Variants in RYR2 observed in about 807,000 individuals in gnomAD.
RYR2 encodes the protein ryanodine receptor 2, also known as cardiac muscle ryanodine receptor-calcium release channel.
RYR2 carries 227 observed loss-of-function variants against 601.1 expected under a neutral mutation model. That is an observed-to-expected ratio of 0.38 (90% CI 0.34 to 0.42). RYR2 has a LOEUF of 0.42. Ranked by LOEUF, RYR2 falls within the 10% of genes least tolerant of loss-of-function variation. The pLI is 1.00. For synonymous variants in RYR2, 2,223 were observed against 2,175.1 expected, an observed-to-expected ratio of 1.02 and a Z score of -0.61; for missense variants, 4,646 against 6,156.5, an observed-to-expected ratio of 0.75 and a Z score of 8.21.
intron 24 of RYR2, among the ~76,000 whole-genome samples, chr1:237,514,947 A>G (rs1666272047): frequency 6.6e-6 from 1 of 152,236 alleles, no homozygotes; most frequent in Non-Finnish European, 1.5e-5. Context: ...ATTTGTTTAC[A>G]TCTTTAGAAG....
At position 237,107,322 on chromosome 1, in the gene RYR2, C is replaced by T. The variant is rs56370530; in HGVS notation, c.48+64753C>T. ...GGATCACGAGGTCAGGAGATCGAGA[C>T]CATCCTGGCTAACACGGTGAAACCC... is the stretch of plus-strand genomic sequence containing the variant. On this transcript the variant is annotated intron_variant, in intron 1 of 104. Coordinates refer to ENST00000366574, the MANE Select transcript of RYR2 (RefSeq NM_001035.3). Among the ~76,000 whole-genome samples, 51 of 151,344 alleles carry T rather than the reference C, an allele frequency of 3.4e-4. No homozygotes were observed. In the East Asian group the frequency reaches 6.8e-3, roughly 20 times the overall value.
intron 1 of RYR2, among the ~76,000 whole-genome samples, chr1:237,168,135 G>C (rs1459167739): frequency 6.6e-6 from 1 of 152,182 alleles, no homozygotes; most frequent in Non-Finnish European, 1.5e-5. Context: ...AAGGCCTGTA[G>C]TGGCACACAA....
chr1:237,521,650 G>A (rs1667096155), intron 24 of RYR2, among the ~76,000 whole-genome samples: 1 of 151,892 alleles, frequency 6.6e-6, no homozygotes, highest in Non-Finnish European at 1.5e-5. Context: ...AACCCAGGAG[G>A]CAGAGGTTGC....
At chr1:237,657,490 A>G (rs1453394153) in intron 53 of RYR2, among the ~76,000 whole-genome samples, 1 of 151,956 alleles carries the variant, frequency 6.6e-6, no homozygotes, top group Non-Finnish European at 1.5e-5. Context: ...ATTATCAAAA[A>G]GCAGGAGTTA....
intron 34 of RYR2, among the ~76,000 whole-genome samples, chr1:237,600,449 C>T (rs758325685): frequency 3.9e-5 from 6 of 152,112 alleles, no homozygotes; most frequent in Non-Finnish European, 7.4e-5. Context: ...CAAAAATCAA[C>T]TCAAAGTGGA....
chr1:237,222,047 T>C (rs778860047), intron 1 of RYR2, among the ~76,000 whole-genome samples: 3 of 152,138 alleles, frequency 2.0e-5, no homozygotes, highest in Non-Finnish European at 4.4e-5. Context: ...TAGTGTTCCA[T>C]GGGGACGTGT....
chr1:237,824,377 G>A (rs531217929), intron 101 of RYR2, among the ~76,000 whole-genome samples: 15 of 152,222 alleles, frequency 9.9e-5, no homozygotes, highest in East Asian at 1.9e-4. Flanking sequence ...TTCAACATAC[G>A]CAAATCAATA....
At chr1:237,208,926 A>ATGTG (rs143152668) in intron 1 of RYR2, among the ~76,000 whole-genome samples, 7,870 of 86,408 alleles carry the variant, frequency 0.091, 1,012 homozygotes, top group Non-Finnish European at 0.12. Flanking sequence ...GTACAACCAA[A>ATGTG]TGTGTGTGTG....
At chr1:237,177,065 T>C (rs141721053) in intron 1 of RYR2, among the ~76,000 whole-genome samples, 1 of 152,316 alleles carries the variant, frequency 6.6e-6, no homozygotes, top group East Asian at 1.9e-4. Context: ...GTTGTATTAC[T>C]GTTGGAAATA....
At chr1:237,170,560 G>A (rs1677245035) in intron 1 of RYR2, among the ~76,000 whole-genome samples, 1 of 152,180 alleles carries the variant, frequency 6.6e-6, no homozygotes, top group Admixed American at 6.5e-5. Flanking sequence ...AAAAAAGTAT[G>A]TATTTCATTT....
intron 25 of RYR2, among the ~76,000 whole-genome samples, chr1:237,542,609 T>C (rs1363951113): frequency 6.6e-6 from 1 of 152,104 alleles, no homozygotes; most frequent in Non-Finnish European, 1.5e-5. Flanking sequence ...TGATATTGGG[T>C]TCACATTGGG....
chr1:237,126,557 A>C (rs1671451743), intron 1 of RYR2, among the ~76,000 whole-genome samples: 1 of 152,002 alleles, frequency 6.6e-6, no homozygotes, highest in South Asian at 2.1e-4. Context: ...CTTCTCCATA[A>C]TCCTCCTTCC....
intron 1 of RYR2, among the ~76,000 whole-genome samples, chr1:237,047,979 T>C (rs1336978240): frequency 6.6e-6 from 1 of 152,208 alleles, no homozygotes; most frequent in Admixed American, 6.5e-5. Context: ...AGCGACTCTT[T>C]TTTGTAGGAG....
At chr1:237,352,215 A>G (rs572594314) in intron 3 of RYR2, among the ~76,000 whole-genome samples, 4 of 152,154 alleles carry the variant, frequency 2.6e-5, no homozygotes, top group Non-Finnish European at 5.9e-5. Flanking sequence ...AAGTTGGGGA[A>G]AGTGGATACT....
At chr1:237,632,388 T>TC (rs1309437278) in intron 42 of RYR2, among the ~76,000 whole-genome samples, 2 of 105,700 alleles carry the variant, frequency 1.9e-5, no homozygotes, top group Non-Finnish European at 3.7e-5. Context: ...TAAAGTGAAT[T>TC]CTTTTTTTTT....
rs566494075 is a variant in RYR2 at position 237,057,616 on chromosome 1, C to T, written c.48+15047C>T. Among the ~76,000 whole-genome samples the T allele has an allele frequency of 4.6e-5, 7 of 152,076 alleles. No homozygotes were observed. In the South Asian group the frequency reaches 8.3e-4, roughly 18 times the overall value. On this transcript the variant is annotated intron_variant, in intron 1 of 104. Coordinates refer to ENST00000366574, the MANE Select transcript of RYR2 (RefSeq NM_001035.3). ...GCAGATGATATAGACAATCTTTTCA[C>T]CCCATGTGCTGAAGAGGAAGAGAGG...
At position 237,821,897 on chromosome 1, in the gene RYR2, G is replaced by A. The variant is rs182154643; in HGVS notation, c.14590+2705G>A. 1.4e-3 allele frequency among the ~76,000 whole-genome samples: 217 copies of A among 151,586 alleles called. 1 individual carries two copies. Among genetic ancestry groups the A allele is most frequent in the South Asian group, 9.4e-3 (45 of 4,798 alleles). The stretch of plus-strand genomic sequence containing the variant: ...GAAGCATATATAAGTAGCAATAGCC[G>A]AATCAATCAAGCAGAAGAAAGGATA... On this transcript the variant is annotated intron_variant, in intron 101 of 104. Transcript: ENST00000366574.
At chr1:237,074,688 G>C (rs1030486358) in intron 1 of RYR2, among the ~76,000 whole-genome samples, 2 of 152,202 alleles carry the variant, frequency 1.3e-5, no homozygotes, top group African/African-American at 4.8e-5. Context: ...GCAAACCCAA[G>C]ATGGCCCTTT....
In RYR2 at chr1:237,709,096, C is replaced by G. The variant is rs949007997; in HGVS notation, c.10140C>G (p.Asn3380Lys). 2 of 1,560,298 alleles carry G rather than the reference C, an allele frequency of 1.3e-6. No individual in the cohort carries two copies. The highest frequency in any genetic ancestry group is 1.7e-6 in the Non-Finnish European group (2 of 1,155,306). Reference sequence around the variant, plus strand: ...TCTTGATTAGATTTGTGGACTATAACAGGTATGATCAAAAGTAATTTAGTA... The same window carrying G: ...TCTTGATTAGATTTGTGGACTATAAGAGGTATGATCAAAAGTAATTTAGTA... ...YPLLIRFVDY[N>K]RAKWLKEPNP... is the part of the protein sequence containing the mutation. The change falls in exon 69 of 105, where the codon AAC becomes AAG. Residue 3380 changes from asparagine to lysine, a missense_variant and splice_region_variant. Coordinates refer to ENST00000366574, the MANE Select transcript of RYR2 (RefSeq NM_001035.3).
Sources: gnomAD v4.1 joint callset for allele counts (sites outside exome capture counted in the v4.1 genomes callset) on GRCh38, gnomAD v4.1.1 for gene constraint, MANE v1.5 for transcripts, NCBI Gene and HGNC (gene_info 2026-07-23, HGNC 2026-07-21) for gene names.